PCCA: variants seen among roughly 807,000 people sequenced by gnomAD.
PCCA encodes propionyl-CoA carboxylase alpha chain, mitochondrial.
In PCCA, 74 loss-of-function variants were observed where a neutral mutation model predicts 101.3. The observed-to-expected ratio is 0.73, with a 90% CI of 0.61 to 0.89. The LOEUF (loss-of-function observed/expected upper bound fraction) is 0.89, where lower values mean the gene tolerates loss of function less well. Among genes scored for constraint, PCCA ranks in the 40% least tolerant of loss-of-function variants. The pLI is 0.00. For synonymous variants in PCCA, 294 were observed against 313.6 expected (o/e 0.94, Z 0.66); for missense variants, 891 against 907.0 (o/e 0.98, Z 0.23).
chr13:100,243,085 A>G (rs1019942720), intron 8 of PCCA, among the ~76,000 whole-genome samples: 1 of 152,166 alleles, frequency 6.6e-6, no homozygotes, highest in Non-Finnish European at 1.5e-5. Context: ...TAATAGATAC[A>G]AGGTTTCACC....
intron 20 of PCCA, among the ~76,000 whole-genome samples, chr13:100,433,605 C>T (rs1475377670): frequency 5.3e-5 from 8 of 152,080 alleles, no homozygotes; most frequent in Non-Finnish European, 1.0e-4. Context: ...AATAAACAAG[C>T]CATACTGTAT....
intron 20 of PCCA, among the ~76,000 whole-genome samples, chr13:100,433,546 T>C (rs2079709939): frequency 6.6e-6 from 1 of 151,858 alleles, no homozygotes; most frequent in South Asian, 2.1e-4. Flanking sequence ...TTCCTTCCCA[T>C]ATATAAAACC....
chr13:100,256,892 T>G (rs1456785355), intron 8 of PCCA, among the ~76,000 whole-genome samples: 1 of 152,234 alleles, frequency 6.6e-6, no homozygotes, highest in South Asian at 2.1e-4. Flanking sequence ...TACTGTATAA[T>G]AACTAAATAC....
intron 19 of PCCA, among the ~76,000 whole-genome samples, chr13:100,407,625 A>G (rs1055402239): frequency 6.6e-6 from 1 of 152,200 alleles, no homozygotes; most frequent in Admixed American, 6.5e-5. Flanking sequence ...CACATAGAGA[A>G]CCTCTTCTGC....
chr13:100,276,980 T>G (rs529656209), intron 12 of PCCA, among the ~76,000 whole-genome samples: 1 of 152,300 alleles, frequency 6.6e-6, no homozygotes, highest in East Asian at 1.9e-4. Context: ...ATTTTAAAAA[T>G]TGTTATTAAT....
At chr13:100,150,705 C>T (rs2053205368) in intron 4 of PCCA, 2 of 1,572,148 alleles carry the variant, frequency 1.3e-6, no homozygotes, top group Non-Finnish European at 1.7e-6. Context: ...AGGATAACCT[C>T]AAAAAATTTG....
At chr13:100,422,106 CTTTCTTTCTTTCT>C in intron 19 of PCCA, among the ~76,000 whole-genome samples, 5 of 119,964 alleles carry the variant, frequency 4.2e-5, no homozygotes, top group Admixed American at 1.7e-4. Flanking sequence ...TTCTTTCTTT[CTTTCTTTCTTTCT>C]TTTCTTTCTT....
At chr13:100,372,995 C>T (rs1055569900) in intron 19 of PCCA, among the ~76,000 whole-genome samples, 20 of 152,182 alleles carry the variant, frequency 1.3e-4, no homozygotes, top group African/African-American at 4.3e-4. Flanking sequence ...CCACCCACTT[C>T]GGCCTCCCAA....
At chr13:100,173,231 T>C (rs778735397) in intron 6 of PCCA, among the ~76,000 whole-genome samples, 2 of 152,160 alleles carry the variant, frequency 1.3e-5, no homozygotes, top group African/African-American at 2.4e-5. Context: ...TGGTGATCTG[T>C]AGTGGTGTCT....
intron 20 of PCCA, among the ~76,000 whole-genome samples, chr13:100,445,215 AGGGATCCT>A (rs2080734216): frequency 6.6e-6 from 1 of 152,220 alleles, no homozygotes; most frequent in Admixed American, 6.5e-5. Flanking sequence ...TCTATTCATG[AGGGATCCT>A]TCCCAATGAT....
Position 100,348,724 on chromosome 13 carries a change from TTTCC to T in PCCA, c.1643+8468_1643+8471del, listed in dbSNP as rs1566975379. Among the ~76,000 whole-genome samples the T allele has an allele frequency of 3.3e-3, 403 of 121,590 alleles. 1 individual carries two copies. Among genetic ancestry groups the T allele is most frequent in the African/African-American group, 0.011 (356 of 31,960 alleles). The allele number at this position is 121,590 out of a possible 152,430, so 79.8% of individuals were successfully genotyped here. On this transcript the variant is annotated intron_variant, in intron 18 of 23. Transcript: ENST00000376285. ...GAATCAGCTTTTACTTTCCGTTTTT[TTTCC>T]TTTCTTTCTTTCTTTCTTTCTTTCT...
intron 6 of PCCA, among the ~76,000 whole-genome samples, chr13:100,165,673 C>T (rs904264544): frequency 5.3e-5 from 8 of 152,058 alleles, no homozygotes; most frequent in Admixed American, 6.6e-5. Flanking sequence ...TCATTTTGCA[C>T]GTCAACTTAA....
chr13:100,260,978 C>T (rs2062461924), intron 9 of PCCA, among the ~76,000 whole-genome samples: 2 of 150,380 alleles, frequency 1.3e-5, no homozygotes, highest in African/African-American at 4.9e-5. Context: ...ACAAAACAAG[C>T]AAATCAGATA....
intron 6 of PCCA, among the ~76,000 whole-genome samples, chr13:100,164,711 A>G (rs565775448): frequency 6.6e-6 from 1 of 152,330 alleles, no homozygotes; most frequent in East Asian, 1.9e-4. Flanking sequence ...CATAACATAA[A>G]ATTTACCCTT....
chr13:100,156,982 A>G (rs1337287824), intron 5 of PCCA, among the ~76,000 whole-genome samples: 2 of 152,218 alleles, frequency 1.3e-5, no homozygotes, highest in African/African-American at 4.8e-5. Context: ...AGTGTAGACA[A>G]ATGCCAGTGG....
chr13:100,365,515 A>G (rs971220214), intron 18 of PCCA, among the ~76,000 whole-genome samples: 3 of 152,216 alleles, frequency 2.0e-5, no homozygotes, highest in African/African-American at 7.2e-5. Context: ...CTACTCCATC[A>G]GGCTGCTACA....
At chr13:100,250,753 T>C (rs910077966) in intron 8 of PCCA, among the ~76,000 whole-genome samples, 3 of 152,170 alleles carry the variant, frequency 2.0e-5, no homozygotes, top group Non-Finnish European at 2.9e-5. Context: ...TTAAAAGGTA[T>C]AGATGTTTAG....
intron 19 of PCCA, among the ~76,000 whole-genome samples, chr13:100,376,759 G>A (rs1051442093): frequency 6.6e-5 from 10 of 152,168 alleles, no homozygotes; most frequent in East Asian, 5.8e-4. Context: ...GCTGGGATCC[G>A]CTGAGCAAGA....
rs145338714 is a variant in PCCA at position 100,471,354 on chromosome 13, G to A, written c.1899+22049G>A. ...ACAGATCACCACAACAGATAACGAC[G>A]AAAATGGGTTTCCTAATAATGCAGA... On this transcript the variant is annotated intron_variant, in intron 21 of 23. Transcript: ENST00000376285. 5.9e-3 allele frequency among the ~76,000 whole-genome samples: 905 copies of A among 152,274 alleles called. 7 individuals carry two copies. Among genetic ancestry groups the A allele is most frequent in the African/African-American group, 0.02 (836 of 41,562 alleles).
Sources: allele counts gnomAD v4.1 joint callset (sites outside exome capture counted in the v4.1 genomes callset), GRCh38; gene constraint gnomAD v4.1.1; transcripts MANE v1.5; gene names NCBI Gene and HGNC (gene_info 2026-07-23, HGNC 2026-07-21).